SLC6A5: variants seen among roughly 807,000 people sequenced by gnomAD.
The protein encoded by SLC6A5 is solute carrier family 6 member 5, also known as sodium- and chloride-dependent glycine transporter 2.
SLC6A5 carries 58 observed loss-of-function variants against 90.5 expected under a neutral mutation model. The ratio of observed to expected loss-of-function variants is 0.64; its 90% CI spans 0.52 to 0.80. SLC6A5 has a LOEUF of 0.80. SLC6A5 is among the 30% of genes least tolerant of loss of function. SLC6A5 has a pLI of 0.00. For missense variants in SLC6A5, 1,015 were observed against 1,017.6 expected, an observed-to-expected ratio of 1.00 and a Z score of 0.03; for synonymous variants, 427 against 401.4, an observed-to-expected ratio of 1.06 and a Z score of -0.76.
At chr11:20,603,903 A>G (rs1852525360) in intron 2 of SLC6A5, among the ~76,000 whole-genome samples, 2 of 150,978 alleles carry the variant, frequency 1.3e-5, no homozygotes, top group East Asian at 2.0e-4. Flanking sequence ...CTGCTTGCCA[A>G]ATAAATTCTT....
chr11:20,631,205 C>A (rs1853103753), intron 10 of SLC6A5, among the ~76,000 whole-genome samples: 1 of 152,200 alleles, frequency 6.6e-6, no homozygotes, highest in Non-Finnish European at 1.5e-5. Context: ...ACATTCATTG[C>A]AGAAGGCCCT....
chr11:20,609,067 G>A (rs2896606), intron 5 of SLC6A5, among the ~76,000 whole-genome samples: 41,877 of 151,456 alleles, frequency 0.28, 5,950 homozygotes, highest in South Asian at 0.38. Context: ...CCCTGTCTCT[G>A]GCTTCCAGTC....
intron 12 of SLC6A5, among the ~76,000 whole-genome samples, chr11:20,637,786 C>T (rs1853238303): frequency 6.6e-6 from 1 of 152,188 alleles, no homozygotes; most frequent in African/African-American, 2.4e-5. Context: ...ATTTACCAAT[C>T]AGGTACAATT....
At chr11:20,630,575 G>A (rs148563091) in intron 9 of SLC6A5, 116 bp from the exon 10 acceptor site, 22 of 1,213,026 alleles carry the variant, frequency 1.8e-5, no homozygotes, top group African/African-American at 7.4e-5. Context: ...GAACGTACAC[G>A]TATATGCCTA....
intron 7 of SLC6A5, among the ~76,000 whole-genome samples, chr11:20,626,375 C>A (rs1053312401): frequency 3.9e-5 from 6 of 152,046 alleles, no homozygotes; most frequent in Non-Finnish European, 8.8e-5. Flanking sequence ...GGCATGGGCA[C>A]AGAGCCCCCC....
intron 5 of SLC6A5, among the ~76,000 whole-genome samples, chr11:20,613,849 TG>T (rs1240877484): frequency 6.6e-6 from 1 of 152,044 alleles, no homozygotes; most frequent in East Asian, 1.9e-4. Context: ...TTCTTTGTTG[TG>T]GGGGGCTGTC....
chr11:20,613,231 G>T (rs1201808678), intron 5 of SLC6A5, among the ~76,000 whole-genome samples: 5 of 152,146 alleles, frequency 3.3e-5, no homozygotes. Context: ...CCTTCTCATA[G>T]GGGGTGGTGT....
In SLC6A5 at chr11:20,601,398, T is replaced by C; in HGVS notation, c.273T>C (p.Ser91=). ...GTAGCCCGCGGGCGCAGGCGGCCTC[T>C]GCAGCTCTGCGGGACTTGAGAGAGG... is the stretch of plus-strand genomic sequence containing the variant. ...KLSSPRAQAA[S]AALRDLREAQ... The change falls in exon 2 of 16, where the codon TCT becomes TCC. Residue 91 remains serine, a synonymous_variant. Coordinates refer to ENST00000525748, the MANE Select transcript of SLC6A5 (RefSeq NM_004211.5). 6.2e-7 allele frequency: 1 copy of C among 1,604,862 alleles called. No homozygotes were observed. The highest frequency in any genetic ancestry group is 8.5e-7 in the Non-Finnish European group (1 of 1,176,468).
intron 2 of SLC6A5, 121 bp from the exon 3 acceptor site, chr11:20,604,165 C>A: frequency 7.8e-7 from 1 of 1,285,238 alleles, no homozygotes; most frequent in Non-Finnish European, 1.1e-6. Flanking sequence ...GCTGATGCAT[C>A]CTCGGTTGAG....
At position 20,636,334 on chromosome 11, in the gene SLC6A5, C is replaced by T. The variant is rs766837791; in HGVS notation, c.1652C>T (p.Pro551Leu). ...CCAGGCATTGCATTTGTGGTTTACC[C>T]GGAAGCCTTAACCAGGCTGCCTCTC... The part of the protein sequence containing the change: ...QGPGIAFVVY[P>L]EALTRLPLSP... Residue 551 changes from proline (P) to leucine (L), a missense_variant, in exon 11 of 16, where the codon CCG (proline) becomes CTG (leucine). Coordinates refer to ENST00000525748, the MANE Select transcript of SLC6A5 (RefSeq NM_004211.5). The T allele has an allele frequency of 2.5e-6, 4 of 1,613,370 alleles. No homozygotes were observed. Among genetic ancestry groups the T allele is most frequent in the East Asian group, 2.2e-5 (1 of 44,886 alleles).
intron 5 of SLC6A5, among the ~76,000 whole-genome samples, chr11:20,610,263 C>G (rs748015053): frequency 6.6e-6 from 1 of 152,204 alleles, no homozygotes; most frequent in African/African-American, 2.4e-5. Context: ...CGGGTGGACC[C>G]GAAGGCTCCG....
At chr11:20,630,523 G>C (rs576112413) in intron 9 of SLC6A5, among the ~76,000 whole-genome samples, 168 bp from the exon 10 acceptor site, 1 of 152,224 alleles carries the variant, frequency 6.6e-6, no homozygotes, top group Non-Finnish European at 1.5e-5. Flanking sequence ...GAGCCTTTTG[G>C]TGCTTTTTAA....
At chr11:20,624,516 G>A (rs1852953905) in intron 7 of SLC6A5, among the ~76,000 whole-genome samples, 1 of 152,054 alleles carries the variant, frequency 6.6e-6, no homozygotes. Flanking sequence ...GTGAGTCCTT[G>A]AATCCGTCCT....
At chr11:20,631,959 C>T (rs148882428) in intron 10 of SLC6A5, among the ~76,000 whole-genome samples, 2 of 152,242 alleles carry the variant, frequency 1.3e-5, no homozygotes, top group African/African-American at 4.8e-5. Flanking sequence ...GTTAAAGAGC[C>T]AGCACTTTCC....
chr11:20,610,745 T>C (rs546248342), intron 5 of SLC6A5, among the ~76,000 whole-genome samples: 1 of 152,312 alleles, frequency 6.6e-6, no homozygotes. Flanking sequence ...AAGATATTTT[T>C]AGGCCCTGAA....
intron 10 of SLC6A5, among the ~76,000 whole-genome samples, chr11:20,632,907 C>A (rs925633945): frequency 1.3e-5 from 2 of 152,124 alleles, no homozygotes; most frequent in Non-Finnish European, 2.9e-5. Flanking sequence ...ATTTAGTTTA[C>A]CACTCCCTTC....
chr11:20,654,015 T>C (rs548915854), intron 15 of SLC6A5, among the ~76,000 whole-genome samples: 4 of 152,344 alleles, frequency 2.6e-5, no homozygotes, highest in Non-Finnish European at 5.9e-5. Context: ...GTCAGAAATA[T>C]GTTTTCTTTC....
In SLC6A5 at chr11:20,607,602, A is replaced by G; in HGVS notation, c.935A>G (p.Asn312Ser). The G allele has an allele frequency of 1.9e-6, 3 of 1,614,178 alleles. No homozygotes were observed. The highest frequency in any genetic ancestry group is 2.5e-6 in the Non-Finnish European group (3 of 1,180,024). The change falls in exon 5 of 16, where the codon AAC becomes AGC. Residue 312 changes from asparagine (N) to serine (S), a missense_variant. Asn to Ser is a conservative substitution (Grantham distance 46). Coordinates refer to ENST00000525748, the MANE Select transcript of SLC6A5 (RefSeq NM_004211.5). The part of the protein sequence containing the change: ...FVSVLPWGSC[N>S]NPWNTPECKD... ...TCTGTACTACCCTGGGGCTCCTGCA[A>G]CAACCCTTGGAATACGCCAGAATGC...
chr11:20,623,873 C>T (rs1852939611), intron 7 of SLC6A5, among the ~76,000 whole-genome samples: 1 of 152,054 alleles, frequency 6.6e-6, no homozygotes, highest in Admixed American at 6.6e-5. Context: ...CAACCATCCT[C>T]CCCACACCCC....
Sources: allele counts gnomAD v4.1 joint callset (sites outside exome capture counted in the v4.1 genomes callset), GRCh38; gene constraint gnomAD v4.1.1; transcripts MANE v1.5; gene names NCBI Gene and HGNC (gene_info 2026-07-23, HGNC 2026-07-21).